The following CADPS2 variants were observed in gnomAD, a reference collection of about 807,000 sequenced individuals.
The protein encoded by CADPS2 is calcium-dependent secretion activator 2.
CADPS2 carries 93 observed loss-of-function variants against 172.5 expected under a neutral mutation model. The observed-to-expected ratio is 0.54, with a 90% CI of 0.46 to 0.64. CADPS2 has a LOEUF of 0.64. CADPS2 is among the 30% of genes least tolerant of loss of function. The probability of loss-of-function intolerance (pLI) is 0.00; values close to 1 mark genes in which losing one functional copy is unlikely to be tolerated. For missense variants in CADPS2, 1,420 were observed against 1,565.9 expected (o/e 0.91, Z 1.57); for synonymous variants, 546 against 555.2 (o/e 0.98, Z 0.23).
chr7:122,581,128 A>C, intron 7 of CADPS2, 51 bp downstream of exon 7: 2 of 1,319,872 alleles, frequency 1.5e-6, no homozygotes, highest in Non-Finnish European at 2.2e-6. Flanking sequence ...TCATGAATCC[A>C]AAGAAGTTAA....
At position 122,588,531 on chromosome 7, in the gene CADPS2, T is replaced by G. The variant is rs1009324710; in HGVS notation, c.1224-7241A>C. Among the ~76,000 whole-genome samples, 8 of 152,132 alleles carry G rather than the reference T, an allele frequency of 5.3e-5. No individual in the cohort carries two copies. The East Asian group carries it at 1.6e-3, about 29-fold the overall frequency. On this transcript the variant is annotated intron_variant, in intron 6 of 29. Transcript: ENST00000449022. ...CAATCCAACTCTAGTTAAATTATCC[T>G]TCTTAAAATTTAGCCATTTTAAGAT...
intron 6 of CADPS2, among the ~76,000 whole-genome samples, chr7:122,610,283 T>C (rs6959395): frequency 0.15 from 22,016 of 151,760 alleles, 1,749 homozygotes; most frequent in African/African-American, 0.2. Flanking sequence ...TATGAATATA[T>C]TGAAAATTAA....
chr7:122,564,976 GA>G (rs2066255079), intron 7 of CADPS2, among the ~76,000 whole-genome samples: 1 of 152,004 alleles, frequency 6.6e-6, no homozygotes, highest in African/African-American at 2.4e-5. Context: ...TTCAGAAACA[GA>G]AAGTCAAATA....
chr7:122,478,964 T>C (rs2056999821), intron 12 of CADPS2, among the ~76,000 whole-genome samples: 1 of 152,140 alleles, frequency 6.6e-6, no homozygotes. Flanking sequence ...AAAATACTTC[T>C]TTTTTCTTTG....
intron 2 of CADPS2, among the ~76,000 whole-genome samples, chr7:122,684,389 T>C (rs1412744514): frequency 1.3e-5 from 2 of 152,158 alleles, no homozygotes; most frequent in African/African-American, 4.8e-5. Flanking sequence ...TATTTTATTA[T>C]AAAAATGTTT....
intron 2 of CADPS2, among the ~76,000 whole-genome samples, chr7:122,680,692 C>T (rs1354519407): frequency 1.3e-5 from 2 of 152,154 alleles, no homozygotes; most frequent in Admixed American, 1.3e-4. Flanking sequence ...CCAGCCTGGG[C>T]AACAGAGTGA....
chr7:122,326,641 G>A (rs551106844), intron 28 of CADPS2, among the ~76,000 whole-genome samples: 1 of 151,956 alleles, frequency 6.6e-6, no homozygotes, highest in African/African-American at 2.4e-5. Context: ...ACATATGTGT[G>A]TGCATACGTT....
intron 8 of CADPS2, among the ~76,000 whole-genome samples, chr7:122,533,552 A>T (rs2061966170): frequency 6.6e-6 from 1 of 152,154 alleles, no homozygotes; most frequent in Admixed American, 6.6e-5. Context: ...CACCAATATA[A>T]TGGGGCTAAT....
rs1291979992 is a variant in CADPS2, at chr7:122,816,259, T to C, written c.339+69740A>G. Among the ~76,000 whole-genome samples the C allele has an allele frequency of 3.1e-5, 3 of 97,652 alleles. No individual in the cohort carries two copies. In the East Asian group the frequency reaches 7.5e-4, roughly 25 times the overall value. 64.1% of individuals were successfully genotyped at this position (97,652 alleles called of 152,430 possible). A position where few individuals can be genotyped will look rare whatever the true frequency, so the allele number is the denominator to read the frequency against. ...CCACGAGATCAATTTATTTTTTAGA[T>C]TTTTTTAGCTCCCAAATATGAGAAC... On this transcript the variant is annotated intron_variant, in intron 1 of 29. Coordinates refer to ENST00000449022, the MANE Select transcript of CADPS2 (RefSeq NM_017954.11).
chr7:122,344,209 G>T (rs529395574), intron 28 of CADPS2, among the ~76,000 whole-genome samples: 9 of 152,262 alleles, frequency 5.9e-5, no homozygotes, highest in Admixed American at 5.9e-4. Flanking sequence ...AACATTTGCC[G>T]TAACTTGCAT....
At chr7:122,714,617 T>C (rs2089312861) in intron 2 of CADPS2, among the ~76,000 whole-genome samples, 1 of 152,046 alleles carries the variant, frequency 6.6e-6, no homozygotes, top group South Asian at 2.1e-4. Context: ...ACATACAAGA[T>C]GGGCTATGAA....
At chr7:122,612,964 A>T (rs578082171) in intron 6 of CADPS2, among the ~76,000 whole-genome samples, 3 of 152,144 alleles carry the variant, frequency 2.0e-5, no homozygotes, top group Non-Finnish European at 4.4e-5. Flanking sequence ...TTTTTCAACA[A>T]ATGGTGTTGG....
intron 1 of CADPS2, among the ~76,000 whole-genome samples, chr7:122,832,688 T>A (rs1297401349): frequency 1.3e-5 from 2 of 152,192 alleles, no homozygotes; most frequent in Admixed American, 6.5e-5. Flanking sequence ...GAGCAGATGT[T>A]AAAATGCTGG....
chr7:122,780,097 T>C (rs1031075321), intron 1 of CADPS2, among the ~76,000 whole-genome samples: 5 of 152,192 alleles, frequency 3.3e-5, no homozygotes, highest in Admixed American at 1.3e-4. Flanking sequence ...TCTCAACTTA[T>C]CCTGAAATCA....
chr7:122,680,733 T>C (rs2135796202), intron 2 of CADPS2, among the ~76,000 whole-genome samples: 1 of 151,938 alleles, frequency 6.6e-6, no homozygotes, highest in Non-Finnish European at 1.5e-5. Flanking sequence ...CAATAAAACA[T>C]CTAAAAAACT....
chr7:122,732,916 T>TGC (rs1235425080), intron 2 of CADPS2, among the ~76,000 whole-genome samples: 1 of 146,376 alleles, frequency 6.8e-6, no homozygotes, highest in Non-Finnish European at 1.5e-5. Flanking sequence ...ACATTATATA[T>TGC]TATGTATAAT....
chr7:122,422,907 C>T (rs909914599), intron 17 of CADPS2, among the ~76,000 whole-genome samples: 2 of 151,888 alleles, frequency 1.3e-5, no homozygotes, highest in Non-Finnish European at 2.9e-5. Flanking sequence ...TGCAGTGAGC[C>T]GAGATCGCGC....
At chr7:122,697,422 A>G (rs547629230) in intron 2 of CADPS2, among the ~76,000 whole-genome samples, 19 of 152,306 alleles carry the variant, frequency 1.2e-4, no homozygotes, top group Non-Finnish European at 2.1e-4. Flanking sequence ...TACTTTCTGT[A>G]TTAGAACATA....
At chr7:122,540,941 C>A (rs2062851584) in intron 8 of CADPS2, among the ~76,000 whole-genome samples, 1 of 151,962 alleles carries the variant, frequency 6.6e-6, no homozygotes, top group South Asian at 2.1e-4. Flanking sequence ...CCCATTTATT[C>A]ATAATATGAC....
Sources: gnomAD v4.1 joint callset for allele counts (sites outside exome capture counted in the v4.1 genomes callset) on GRCh38, gnomAD v4.1.1 for gene constraint, MANE v1.5 for transcripts, NCBI Gene and HGNC (gene_info 2026-07-23, HGNC 2026-07-21) for gene names.